Variants in ASIC2 observed in about 807,000 individuals in gnomAD.
ASIC2 encodes acid-sensing ion channel 2.
Under a neutral mutation model 57.3 loss-of-function variants are expected in ASIC2, and 25 were observed. The ratio of observed to expected loss-of-function variants is 0.44; its 90% CI spans 0.32 to 0.61. The LOEUF (loss-of-function observed/expected upper bound fraction) is 0.61, where lower values mean the gene tolerates loss of function less well. Among genes scored for constraint, ASIC2 ranks in the 20% least tolerant of loss-of-function variants. The pLI, the probability that ASIC2 is intolerant of heterozygous loss-of-function variation, is 0.06. For synonymous variants in ASIC2, 319 were observed against 307.5 expected (o/e 1.04, Z -0.39); for missense variants, 641 against 738.1 (o/e 0.87, Z 1.52).
chr17:33,931,921 C>T (rs967628484), intron 1 of ASIC2, among the ~76,000 whole-genome samples: 1 of 152,178 alleles, frequency 6.6e-6, no homozygotes, highest in African/African-American at 2.4e-5. Flanking sequence ...TCCAGTAGAC[C>T]TTTAAAAAGG....
chr17:33,098,285 A>G (rs1045553491), intron 2 of ASIC2, among the ~76,000 whole-genome samples: 1 of 152,234 alleles, frequency 6.6e-6, no homozygotes, highest in African/African-American at 2.4e-5. Flanking sequence ...TAAAGACAGC[A>G]CAAAGAATCC....
intron 1 of ASIC2, among the ~76,000 whole-genome samples, chr17:33,268,075 G>A (rs904739967): frequency 6.6e-6 from 1 of 152,164 alleles, no homozygotes; most frequent in East Asian, 1.9e-4. Context: ...AGTTGGTCCT[G>A]TGCATGATAA....
intron 1 of ASIC2, among the ~76,000 whole-genome samples, chr17:33,958,418 ACATCTAGG>A (rs1322906329): frequency 1.3e-5 from 2 of 152,260 alleles, no homozygotes; most frequent in Non-Finnish European, 2.9e-5. Flanking sequence ...CTCTGCCTGG[ACATCTAGG>A]CATTTCCATA....
intron 1 of ASIC2, among the ~76,000 whole-genome samples, chr17:33,464,524 CTTTCTTTCTTTCTTTCTCTTTCTT>C (rs1567621117): frequency 5.4e-5 from 2 of 36,826 alleles, no homozygotes; most frequent in East Asian, 5.0e-4. Flanking sequence ...TTCTTTCTTT[CTTTCTTTCTTTCTTTCTCTTTCTT>C]TCTTTCTTTC....
intron 1 of ASIC2, among the ~76,000 whole-genome samples, chr17:33,882,858 C>G (rs894188673): frequency 6.6e-6 from 1 of 152,144 alleles, no homozygotes; most frequent in African/African-American, 2.4e-5. Flanking sequence ...TGGAACCAAG[C>G]CAAATGTCCA....
chr17:33,944,586 G>T (rs1251713285), intron 1 of ASIC2, among the ~76,000 whole-genome samples: 3 of 152,218 alleles, frequency 2.0e-5, no homozygotes, highest in African/African-American at 7.2e-5. Context: ...GGAGCGCCAA[G>T]AAAACAGGGT....
At chr17:33,716,962 G>A (rs796815523) in intron 1 of ASIC2, among the ~76,000 whole-genome samples, 5 of 152,318 alleles carry the variant, frequency 3.3e-5, no homozygotes, top group African/African-American at 7.2e-5. Context: ...TAGATGCAGT[G>A]TGTGAAGGAA....
intron 1 of ASIC2, among the ~76,000 whole-genome samples, chr17:33,521,078 T>C (rs892537516): frequency 6.6e-6 from 1 of 152,140 alleles, no homozygotes; most frequent in Non-Finnish European, 1.5e-5. Context: ...GCAGGAATTC[T>C]ACAGACAAGG....
chr17:33,667,685 A>G (rs1198787800), intron 1 of ASIC2, among the ~76,000 whole-genome samples: 1 of 152,214 alleles, frequency 6.6e-6, no homozygotes, highest in East Asian at 1.9e-4. Flanking sequence ...AGTGGCTTCA[A>G]AAAACACAAA....
chr17:33,997,828 T>C (rs761582863), intron 1 of ASIC2, among the ~76,000 whole-genome samples: 1 of 152,136 alleles, frequency 6.6e-6, no homozygotes, highest in Non-Finnish European at 1.5e-5. Flanking sequence ...TATTGGTCTG[T>C]GATTTTCCTT....
intron 2 of ASIC2, among the ~76,000 whole-genome samples, chr17:33,090,416 A>G (rs2092152885): frequency 6.6e-6 from 1 of 152,246 alleles, no homozygotes; most frequent in Non-Finnish European, 1.5e-5. Context: ...CTAGGCATAC[A>G]CCAGGCACTC....
In ASIC2 at chr17:34,093,632, A is replaced by G. The variant is rs1442422074; in HGVS notation, c.555+62346T>C. 2.0e-5 allele frequency among the ~76,000 whole-genome samples: 3 copies of G among 152,226 alleles called. No homozygotes were observed. In the East Asian group the frequency reaches 5.8e-4, roughly 29 times the overall value. On this transcript the variant is annotated intron_variant, in intron 1 of 9. Transcript: ENST00000359872. ...GGATGACTGCATGAATTAATGCTCTATGGAGAAGGGATGTCAGATGATCAG... is the reference window on the plus strand; with the variant it reads ...GGATGACTGCATGAATTAATGCTCTGTGGAGAAGGGATGTCAGATGATCAG...
Position 33,565,014 on chromosome 17 carries a change from A to G in ASIC2, c.556-452947T>C, listed in dbSNP as rs144535159. ...AATGACTGGTTTGCTGTTAATAAAT[A>G]CGTGGGTAAATCTCTGTTCGGGGAT... On this transcript the variant is annotated intron_variant, in intron 1 of 9. Coordinates refer to the ASIC2 transcript ENST00000359872. 1.4e-3 allele frequency among the ~76,000 whole-genome samples: 211 copies of G among 152,362 alleles called. 1 individual carries two copies. The highest frequency in any genetic ancestry group is 4.6e-3 in the African/African-American group (190 of 41,588).
intron 1 of ASIC2, among the ~76,000 whole-genome samples, chr17:33,712,724 C>T (rs908645877): frequency 1.6e-4 from 23 of 141,342 alleles, no homozygotes; most frequent in Admixed American, 1.4e-3. Context: ...CGGCTCACTG[C>T]AAGCTCCGCC....
intron 1 of ASIC2, among the ~76,000 whole-genome samples, chr17:33,166,363 G>C (rs183294310): frequency 1.3e-5 from 2 of 152,168 alleles, no homozygotes; most frequent in Admixed American, 6.5e-5. Flanking sequence ...TTGTTGGGGG[G>C]AGAAAAAGTC....
At chr17:34,044,375 C>G (rs966121744) in intron 1 of ASIC2, among the ~76,000 whole-genome samples, 9 of 152,106 alleles carry the variant, frequency 5.9e-5, no homozygotes. Context: ...GAAGGAAGAA[C>G]AAGAATAATA....
intron 1 of ASIC2, among the ~76,000 whole-genome samples, chr17:33,503,158 T>C (rs966082164): frequency 6.6e-6 from 1 of 152,168 alleles, no homozygotes; most frequent in African/African-American, 2.4e-5. Context: ...GCATATACCC[T>C]ATAGTGTGCT....
At chr17:33,098,910 G>A (rs984764563) in intron 2 of ASIC2, among the ~76,000 whole-genome samples, 9 of 149,236 alleles carry the variant, frequency 6.0e-5, no homozygotes. Flanking sequence ...ATATATATAT[G>A]TATATACACA....
intron 1 of ASIC2, among the ~76,000 whole-genome samples, chr17:34,153,486 G>A (rs1387772871): frequency 6.6e-6 from 1 of 151,852 alleles, no homozygotes; most frequent in Non-Finnish European, 1.5e-5. Flanking sequence ...TATATCCCAG[G>A]CCAAAAAAAG....
Sources: gnomAD v4.1 joint callset for allele counts (sites outside exome capture counted in the v4.1 genomes callset) on GRCh38, gnomAD v4.1.1 for gene constraint, MANE v1.5 for transcripts, NCBI Gene and HGNC (gene_info 2026-07-23, HGNC 2026-07-21) for gene names.